Variants in COL5A2 observed in about 807,000 individuals in gnomAD.
COL5A2 encodes the protein collagen alpha-2(V) chain.
A neutral mutation model predicts 208.2 loss-of-function variants in COL5A2; 23 were observed. That is an observed-to-expected ratio of 0.11 (90% CI 0.08 to 0.16). The LOEUF (loss-of-function observed/expected upper bound fraction) is 0.16, where lower values mean the gene tolerates loss of function less well. COL5A2 is among the 10% of genes least tolerant of loss of function. The pLI is 1.00. For missense variants in COL5A2, 1,590 were observed against 1,956.4 expected (o/e 0.81, Z 3.53); for synonymous variants, 625 against 628.5 (o/e 0.99, Z 0.08).
intron 1 of COL5A2, among the ~76,000 whole-genome samples, chr2:189,200,665 AAAC>A (rs1171754679): frequency 6.8e-6 from 1 of 147,104 alleles, no homozygotes; most frequent in African/African-American, 2.5e-5. Context: ...ACCAAAGACA[AAAC>A]AACTACACAC....
At chr2:189,185,489 A>G (rs561458525) in intron 1 of COL5A2, among the ~76,000 whole-genome samples, 9 of 152,368 alleles carry the variant, frequency 5.9e-5, no homozygotes, top group African/African-American at 1.9e-4. Flanking sequence ...AAGATTCAGG[A>G]TGTATTTTGA....
At chr2:189,105,428 T>G (rs1448513879) in intron 2 of COL5A2, among the ~76,000 whole-genome samples, 1 of 151,774 alleles carries the variant, frequency 6.6e-6, no homozygotes, top group East Asian at 1.9e-4. Flanking sequence ...TAGCTCAGTA[T>G]AGTTTTCATT....
intron 51 of COL5A2, among the ~76,000 whole-genome samples, chr2:189,038,904 T>C (rs751463753): frequency 4.6e-4 from 70 of 152,196 alleles, no homozygotes; most frequent in Middle Eastern, 3.4e-3. Context: ...TTAGCCAGGA[T>C]GGTCTTGATC....
rs541510669 is a variant in COL5A2, at chr2:189,061,367, G to GT, written c.2031+194dup. Among the ~76,000 whole-genome samples the GT allele has an allele frequency of 8.7e-4, 133 of 152,008 alleles. 1 individual carries two copies. The highest frequency in any genetic ancestry group is 6.8e-3 in the Middle Eastern group (2 of 294). On this transcript the variant is annotated intron_variant, in intron 30 of 53. Coordinates refer to ENST00000374866, the MANE Select transcript of COL5A2 (RefSeq NM_000393.5). ...TGTTCATAATTTGCAGGTTTGATCA[G>GT]TTTTTTTAGAAGCCCATTCCTTTAC...
chr2:189,129,224 A>T (rs1487803443), intron 1 of COL5A2, among the ~76,000 whole-genome samples: 6 of 152,014 alleles, frequency 3.9e-5, no homozygotes, highest in Non-Finnish European at 7.4e-5. Context: ...ACAGATGGCT[A>T]GCGATACTAA....
chr2:189,064,783 T>C (rs1686111042), intron 24 of COL5A2, 128 bp from the exon 25 acceptor site: 1 of 843,746 alleles, frequency 1.2e-6, no homozygotes, highest in Non-Finnish European at 2.0e-6. Flanking sequence ...TGATATAACG[T>C]ATAAAATTTT....
chr2:189,083,243 A>G (rs1686576691), intron 12 of COL5A2, among the ~76,000 whole-genome samples: 1 of 152,168 alleles, frequency 6.6e-6, no homozygotes, highest in Non-Finnish European at 1.5e-5. Context: ...GGCCAGCGTA[A>G]CACATTCTAG....
At chr2:189,410,038 T>C in the COL5A2 span, among the ~76,000 whole-genome samples, 2 of 152,176 alleles carry the variant, frequency 1.3e-5, no homozygotes, top group Non-Finnish European at 2.9e-5. Flanking sequence ...CGAGTCACAC[T>C]TTCAATCAGA....
upstream of COL5A2, among the ~76,000 whole-genome samples, chr2:189,181,926 C>A (rs1688785728): frequency 6.6e-6 from 1 of 152,170 alleles, no homozygotes; most frequent in Non-Finnish European, 1.5e-5. Context: ...CATGGTATGA[C>A]AGAAGCATAG....
Position 189,179,626 on chromosome 2 carries a change from G to A in COL5A2, c.-22C>T. On this transcript the variant is annotated 5_prime_UTR_variant, in exon 1 of 54. Coordinates refer to ENST00000374866, the MANE Select transcript of COL5A2 (RefSeq NM_000393.5). ...TCATGTCTAAATATTAGACATGTGG[G>A]TTCTCCTGAGAGTGAAAAGTAGATT... The A allele has an allele frequency of 6.3e-7, 1 of 1,587,844 alleles. No homozygotes were observed.
chr2:189,421,088 A>T, the COL5A2 span, among the ~76,000 whole-genome samples: 3 of 152,352 alleles, frequency 2.0e-5, no homozygotes, highest in South Asian at 6.2e-4. Flanking sequence ...TAATCCAGGA[A>T]TAATTTTAAA....
At chr2:189,370,148 C>CT in the COL5A2 span, among the ~76,000 whole-genome samples, 3 of 152,048 alleles carry the variant, frequency 2.0e-5, no homozygotes, top group African/African-American at 7.2e-5. Context: ...TCTAATTGTA[C>CT]TTTTTTCTCT....
the COL5A2 span, among the ~76,000 whole-genome samples, chr2:189,294,149 C>T: frequency 9.4e-4 from 142 of 150,818 alleles, 2 homozygotes; most frequent in Non-Finnish European, 1.7e-3. Context: ...GCAGCCTGAA[C>T]GGGCTGATAG....
the COL5A2 span, among the ~76,000 whole-genome samples, chr2:189,308,114 G>C: frequency 6.6e-6 from 1 of 152,030 alleles, no homozygotes; most frequent in African/African-American, 2.4e-5. Context: ...AATAAACTGG[G>C]GTGTGGGTGT....
Position 189,088,720 on chromosome 2 carries a change from T to C in COL5A2, c.620A>G (p.Gln207Arg). 3 of 1,614,076 alleles carry C rather than the reference T, an allele frequency of 1.9e-6. No homozygotes were observed. Among genetic ancestry groups the C allele is most frequent in the Non-Finnish European group, 1.7e-6 (2 of 1,179,940 alleles). Reference protein sequence around the residue: ...GLDEKSGLGSQVGLMPGSVGP... With the variant: ...GLDEKSGLGSRVGLMPGSVGP... ...CACAGAGCCAGGCATTAGTCCTACT[T>C]GACTCCCAAGTCCAGATTTTTCATC... The change falls in exon 8 of 54, where the codon CAA becomes CGA. Residue 207 changes from glutamine (Q) to arginine (R), a missense_variant. Coordinates refer to ENST00000374866, the MANE Select transcript of COL5A2 (RefSeq NM_000393.5).
At chr2:189,260,363 G>A in the COL5A2 span, among the ~76,000 whole-genome samples, 1 of 152,172 alleles carries the variant, frequency 6.6e-6, no homozygotes, top group Non-Finnish European at 1.5e-5. Context: ...AAGAGTATTT[G>A]GGTAGCCCAG....
At chr2:189,102,295 A>C (rs1220120655) in intron 3 of COL5A2, among the ~76,000 whole-genome samples, 2 of 152,092 alleles carry the variant, frequency 1.3e-5, no homozygotes, top group Non-Finnish European at 2.9e-5. Flanking sequence ...GAACTCTCTG[A>C]TACCTGTCTT....
the COL5A2 span, among the ~76,000 whole-genome samples, chr2:189,404,749 A>T: frequency 5.3e-5 from 8 of 152,246 alleles, no homozygotes; most frequent in Admixed American, 5.2e-4. Flanking sequence ...CGAGAAAATT[A>T]TACAGGACTC....
chr2:189,403,682 C>T, the COL5A2 span, among the ~76,000 whole-genome samples: 1 of 152,086 alleles, frequency 6.6e-6, no homozygotes. Flanking sequence ...AATCATGTAG[C>T]TTTTGCCTTT....
Sources: gnomAD v4.1 joint callset for allele counts (sites outside exome capture counted in the v4.1 genomes callset) on GRCh38, gnomAD v4.1.1 for gene constraint, MANE v1.5 for transcripts, NCBI Gene and HGNC (gene_info 2026-07-23, HGNC 2026-07-21) for gene names.